Variants in PTPRK observed in about 807,000 individuals in gnomAD.
PTPRK encodes the protein protein tyrosine phosphatase receptor type K.
In PTPRK, 75 loss-of-function variants were observed where a neutral mutation model predicts 178.0. The ratio of observed to expected loss-of-function variants is 0.42; its 90% confidence interval spans 0.35 to 0.51. PTPRK has a LOEUF of 0.51. PTPRK is among the 20% of genes least tolerant of loss of function. The pLI is 0.02. For missense variants in PTPRK, 1,441 were observed against 1,797.8 expected, an observed-to-expected ratio of 0.80 and a Z score of 3.59; for synonymous variants, 637 against 620.6, an observed-to-expected ratio of 1.03 and a Z score of -0.39.
chr6:128,237,988 A>AATAGATTTCAAT (rs757359963), intron 5 of PTPRK: 4 of 442,378 alleles, frequency 9.0e-6, no homozygotes, highest in African/African-American at 8.1e-5. Context: ...CTTAGTAATT[A>AATAGATTTCAAT]ATAGATTTCA....
At chr6:128,184,749 C>T in intron 6 of PTPRK, 24 bp from the exon 7 acceptor site, 3 of 1,597,168 alleles carry the variant, frequency 1.9e-6, no homozygotes, top group Non-Finnish European at 1.7e-6. Context: ...GTGTGCACTT[C>T]AATTAGTAAG....
At chr6:128,233,651 C>T (rs758290062) in intron 5 of PTPRK, among the ~76,000 whole-genome samples, 18 of 152,230 alleles carry the variant, frequency 1.2e-4, no homozygotes, top group Non-Finnish European at 2.2e-4. Flanking sequence ...ATGAGCCTCA[C>T]CAAGGGCGAA....
intron 7 of PTPRK, among the ~76,000 whole-genome samples, chr6:128,095,677 C>T (rs1472822892): frequency 2.0e-5 from 3 of 152,142 alleles, no homozygotes; most frequent in African/African-American, 7.2e-5. Context: ...TTTTCATATA[C>T]TTGAAGAACA....
chr6:128,171,704 T>G (rs1800283963), intron 7 of PTPRK, among the ~76,000 whole-genome samples: 1 of 152,000 alleles, frequency 6.6e-6, no homozygotes, highest in South Asian at 2.1e-4. Context: ...AGACTTCTGA[T>G]GATTTGTATA....
chr6:128,364,834 A>G (rs1835263354), intron 2 of PTPRK, among the ~76,000 whole-genome samples: 1 of 152,020 alleles, frequency 6.6e-6, no homozygotes, highest in Non-Finnish European at 1.5e-5. Flanking sequence ...CCAAACGCCC[A>G]TGAAGTCTTT....
chr6:128,295,802 T>A (rs1300817200), intron 3 of PTPRK, among the ~76,000 whole-genome samples: 1 of 152,118 alleles, frequency 6.6e-6, no homozygotes, highest in East Asian at 1.9e-4. Context: ...AAACAGGACA[T>A]ATGCAGAGCT....
chr6:128,166,754 C>T (rs1799466653), intron 7 of PTPRK, among the ~76,000 whole-genome samples: 1 of 151,484 alleles, frequency 6.6e-6, no homozygotes, highest in African/African-American at 2.4e-5. Flanking sequence ...ACTATTTTTC[C>T]CAAAATTACT....
At chr6:128,248,601 A>C (rs1008390466) in intron 3 of PTPRK, among the ~76,000 whole-genome samples, 13 of 152,222 alleles carry the variant, frequency 8.5e-5, no homozygotes, top group African/African-American at 3.1e-4. Context: ...ATACTACATA[A>C]AATGGTTATT....
chr6:128,507,364 T>C (rs2128440995), intron 1 of PTPRK, among the ~76,000 whole-genome samples: 2 of 152,292 alleles, frequency 1.3e-5, no homozygotes, highest in Middle Eastern at 6.8e-3. Flanking sequence ...TAATTCACAC[T>C]AGAGGCCCAC....
At chr6:128,053,983 T>C (rs570189381) in intron 13 of PTPRK, among the ~76,000 whole-genome samples, 3 of 152,244 alleles carry the variant, frequency 2.0e-5, no homozygotes, top group African/African-American at 7.2e-5. Context: ...CTAACATATA[T>C]GCTATTGAGA....
chr6:128,200,832 G>T (rs1805770643), intron 6 of PTPRK, among the ~76,000 whole-genome samples: 1 of 138,600 alleles, frequency 7.2e-6, no homozygotes, highest in African/African-American at 2.6e-5. Flanking sequence ...AGAAGAAGAA[G>T]AAGGATGAGG....
At chr6:128,044,934 T>A (rs1582694453) in intron 13 of PTPRK, among the ~76,000 whole-genome samples, 1 of 152,156 alleles carries the variant, frequency 6.6e-6, no homozygotes, top group Non-Finnish European at 1.5e-5. Flanking sequence ...TGCTGTCATC[T>A]AGAATCATGC....
intron 7 of PTPRK, among the ~76,000 whole-genome samples, chr6:128,165,833 T>C (rs953393437): frequency 2.0e-5 from 3 of 151,500 alleles, no homozygotes; most frequent in Admixed American, 2.0e-4. Context: ...TTGTAAGAGT[T>C]TATATCACAG....
chr6:128,146,165 T>G (rs28567947), intron 7 of PTPRK, among the ~76,000 whole-genome samples: 1 of 152,156 alleles, frequency 6.6e-6, no homozygotes, highest in African/African-American at 2.4e-5. Context: ...GCAGTGGCAC[T>G]GCAGGATGGG....
intron 13 of PTPRK, among the ~76,000 whole-genome samples, chr6:128,025,343 G>T (rs746351391): frequency 2.0e-5 from 3 of 152,182 alleles, no homozygotes; most frequent in Non-Finnish European, 2.9e-5. Context: ...CCTGAAAGGA[G>T]ACACACATTC....
chr6:128,402,575 G>A (rs1841166912), intron 1 of PTPRK, among the ~76,000 whole-genome samples: 1 of 152,078 alleles, frequency 6.6e-6, no homozygotes, highest in Non-Finnish European at 1.5e-5. Flanking sequence ...TTTAAATAAA[G>A]TTCCTATTTC....
chr6:128,417,088 T>C (rs1220580992), intron 1 of PTPRK, among the ~76,000 whole-genome samples: 1 of 151,266 alleles, frequency 6.6e-6, no homozygotes, highest in African/African-American at 2.4e-5. Context: ...AAGTAGGACA[T>C]TTTATCTAAA....
chr6:128,411,391 A>G (rs1842296949), intron 1 of PTPRK, among the ~76,000 whole-genome samples: 1 of 152,214 alleles, frequency 6.6e-6, no homozygotes, highest in Non-Finnish European at 1.5e-5. Context: ...TAAATAGAGA[A>G]AATATAAACA....
At chr6:128,492,792 A>G (rs888210003) in intron 1 of PTPRK, among the ~76,000 whole-genome samples, 1 of 152,084 alleles carries the variant, frequency 6.6e-6, no homozygotes, top group African/African-American at 2.4e-5. Flanking sequence ...CCATCTCCCA[A>G]TCTTTGCATA....
Sources: gnomAD v4.1 joint callset for allele counts (sites outside exome capture counted in the v4.1 genomes callset) on GRCh38, gnomAD v4.1.1 for gene constraint, MANE v1.5 for transcripts, NCBI Gene and HGNC (gene_info 2026-07-23, HGNC 2026-07-21) for gene names.